ARHGAP39: variants seen among roughly 807,000 people sequenced by gnomAD.
The protein encoded by ARHGAP39 is Rho GTPase activating protein 39.
In ARHGAP39, 44 loss-of-function variants were observed where a neutral mutation model predicts 106.9. The ratio of observed to expected loss-of-function variants is 0.41; its 90% CI spans 0.32 to 0.53. The LOEUF (loss-of-function observed/expected upper bound fraction) is 0.53. Among genes scored for constraint, ARHGAP39 ranks in the 20% least tolerant of loss-of-function variants. The pLI, the probability that ARHGAP39 is intolerant of heterozygous loss-of-function variation, is 0.21. For synonymous variants in ARHGAP39, 768 were observed against 693.2 expected, an observed-to-expected ratio of 1.11 and a Z score of -1.69; for missense variants, 1,496 against 1,577.3, an observed-to-expected ratio of 0.95 and a Z score of 0.87.
chr8:144,532,461 G>A (rs1048658640), intron 9 of ARHGAP39, 65 bp from the exon 10 acceptor site: 9 of 1,434,160 alleles, frequency 6.3e-6, no homozygotes, highest in South Asian at 1.2e-5. Flanking sequence ...ATTCCGCCTG[G>A]ACACTCCCTC....
Position 144,537,740 on chromosome 8 carries a change from A to C in ARHGAP39, c.2595T>G (p.Pro865=), listed in dbSNP as rs1300921738. The change falls in exon 7 of 12, where the codon CCT becomes CCG. Residue 865 remains proline (P), a synonymous_variant. Coordinates refer to ENST00000377307, the MANE Select transcript of ARHGAP39 (RefSeq NM_025251.3). ...KKSKLRKKPK[P]YVEEPDGVAI... ...CCCTACCATCCGGCTCTTCAACATA[A>C]GGCTTGGGTTTCTTTCTCAATTTGG... is the stretch of plus-strand genomic sequence containing the variant. The C allele has an allele frequency of 6.2e-7, 1 of 1,614,046 alleles. No individual in the cohort carries two copies. Among genetic ancestry groups the C allele is most frequent in the South Asian group, 1.1e-5 (1 of 91,080 alleles).
At chr8:144,564,776 T>C (rs1478129710) in intron 3 of ARHGAP39, among the ~76,000 whole-genome samples, 1 of 148,088 alleles carries the variant, frequency 6.8e-6, no homozygotes, top group Non-Finnish European at 1.5e-5. Flanking sequence ...AGGCCAGGAG[T>C]CTGAGACCAG....
intron 2 of ARHGAP39, among the ~76,000 whole-genome samples, chr8:144,588,957 G>A (rs1328084167): frequency 6.6e-6 from 1 of 152,254 alleles, no homozygotes; most frequent in Non-Finnish European, 1.5e-5. Flanking sequence ...CCAGAAGAGG[G>A]TAAGTCCACA....
At position 144,671,176 on chromosome 8, in the gene ARHGAP39, G is replaced by A. The variant is rs904565639; in HGVS notation, c.-82+14510C>T. Reference sequence around the variant, plus strand: ...GGCCTATGTTGGGTGTCTCACCCATGCCAGGCTCTGCGGGTCACTGACAAG... The same window carrying A: ...GGCCTATGTTGGGTGTCTCACCCATACCAGGCTCTGCGGGTCACTGACAAG... On this transcript the variant is annotated intron_variant, in intron 1 of 11. Coordinates refer to ENST00000377307, the MANE Select transcript of ARHGAP39 (RefSeq NM_025251.3). The surrounding 1 kb of genome is among the most constrained non-coding windows in gnomAD (Gnocchi z 4.5). 3.3e-5 allele frequency among the ~76,000 whole-genome samples: 5 copies of A among 152,198 alleles called. No individual in the cohort carries two copies. Among genetic ancestry groups the A allele is most frequent in the African/African-American group, 1.2e-4 (5 of 41,438 alleles).
chr8:144,602,941 A>G (rs1360899149), intron 2 of ARHGAP39, among the ~76,000 whole-genome samples: 2 of 92,766 alleles, frequency 2.2e-5, no homozygotes, highest in African/African-American at 4.7e-5. Flanking sequence ...GTGCTCGTGT[A>G]CCTGTGTGTG....
At chr8:144,561,691 A>G (rs955193135) in intron 3 of ARHGAP39, among the ~76,000 whole-genome samples, 1 of 150,324 alleles carries the variant, frequency 6.7e-6, no homozygotes, top group Non-Finnish European at 1.5e-5. Flanking sequence ...ATCGCGCTCC[A>G]GTGGTTTCCA....
At position 144,580,911 on chromosome 8, in the gene ARHGAP39, C is replaced by T. The variant is rs781463333; in HGVS notation, c.447G>A (p.Ala149=). The change falls in exon 3 of 12, where the codon GCG becomes GCA. Residue 149 remains alanine (A), a synonymous_variant. Transcript: ENST00000377307. ...SLEPEPDTEK[A]QELPARAGRP... is the part of the protein sequence containing the mutation. ...GCCCGGCCCTCGCTGGCAACTCCTG[C>T]GCTTTCTCAGTGTCGGGCTCGGGCT... The T allele has an allele frequency of 3.6e-5, 57 of 1,604,306 alleles. No homozygotes were observed. In the South Asian group the frequency reaches 6.1e-4, roughly 17 times the overall value.
intron 1 of ARHGAP39, among the ~76,000 whole-genome samples, chr8:144,685,255 TCA>T (rs1344290350): frequency 7.7e-6 from 1 of 129,178 alleles, no homozygotes; most frequent in East Asian, 2.3e-4. Context: ...AGGGGCACAC[TCA>T]CACTCACTCT....
intron 1 of ARHGAP39, among the ~76,000 whole-genome samples, chr8:144,678,910 C>T (rs1269222300): frequency 2.6e-5 from 4 of 152,066 alleles, no homozygotes; most frequent in Non-Finnish European, 5.9e-5. Context: ...GGAGGTACAG[C>T]GTAGTGCAGG....
chr8:144,553,356 C>T (rs1320984200), intron 4 of ARHGAP39, among the ~76,000 whole-genome samples: 4 of 152,310 alleles, frequency 2.6e-5, no homozygotes, highest in African/African-American at 9.6e-5. Flanking sequence ...TGCCTGCTCT[C>T]AACCAGTCTA....
intron 1 of ARHGAP39, among the ~76,000 whole-genome samples, chr8:144,673,225 A>AAAAAAAAC (rs1822145476): frequency 6.6e-6 from 1 of 151,886 alleles, no homozygotes; most frequent in African/African-American, 2.4e-5. Flanking sequence ...TCAAAAAAAA[A>AAAAAAAAC]AAGAGGAAGA....
In ARHGAP39 at chr8:144,679,890, G is replaced by C. The variant is rs901754856; in HGVS notation, c.-82+5796C>G. Among the ~76,000 whole-genome samples the C allele has an allele frequency of 6.6e-6, 1 of 152,202 alleles. No homozygotes were observed. The highest frequency in any genetic ancestry group is 2.4e-5 in the African/African-American group (1 of 41,452). ...AGTTACTTGGGAGGCTGAGGCAGGAGAATGGCGTGAACCCAGGATGCGGAG... is the reference window on the plus strand; with the variant it reads ...AGTTACTTGGGAGGCTGAGGCAGGACAATGGCGTGAACCCAGGATGCGGAG... On this transcript the variant is annotated intron_variant, in intron 1 of 11. Transcript: ENST00000377307. This position sits in a 1 kb window ranked among gnomAD's most constrained non-coding sequence, Gnocchi z 4.7.
At chr8:144,607,536 C>T (rs1048612300) in intron 1 of ARHGAP39, among the ~76,000 whole-genome samples, 5 of 152,238 alleles carry the variant, frequency 3.3e-5, no homozygotes, top group African/African-American at 4.8e-5. Context: ...TTCTTGCTCC[C>T]GGATGCCCCA....
chr8:144,530,363 TGCGGAGTTCG>T lies in ARHGAP39; in HGVS notation c.*49_*58del. On this transcript the variant is annotated 3_prime_UTR_variant, in exon 12 of 12. Transcript: ENST00000377307. ...CTGGCCCCTCTGCCGGGAGAGCGAG[TGCGGAGTTCG>T]GCCTGGCTGGGGGCGGCAGGACATC... 1 of 1,505,230 alleles carries T rather than the reference TGCGGAGTTCG, an allele frequency of 6.6e-7. No individual in the cohort carries two copies. The highest frequency in any genetic ancestry group is 2.0e-5 in the Admixed American group (1 of 50,598). 93.2% of individuals were successfully genotyped at this position (1,505,230 alleles called of 1,614,324 possible). A position where few individuals can be genotyped will look rare whatever the true frequency, so the allele number is the denominator to read the frequency against.
chr8:144,662,584 C>T (rs985330451), intron 1 of ARHGAP39, among the ~76,000 whole-genome samples: 1 of 151,268 alleles, frequency 6.6e-6, no homozygotes, highest in African/African-American at 2.4e-5. Context: ...CACTTATCCA[C>T]CTTGGACCAC....
At chr8:144,562,672 G>A (rs942108719) in intron 3 of ARHGAP39, among the ~76,000 whole-genome samples, 1 of 143,072 alleles carries the variant, frequency 7.0e-6, no homozygotes. Context: ...GGTTTCCATC[G>A]GACTCACTCC....
At chr8:144,603,151 G>C (rs865775879) in intron 2 of ARHGAP39, among the ~76,000 whole-genome samples, 8 of 145,914 alleles carry the variant, frequency 5.5e-5, no homozygotes, top group Non-Finnish European at 7.5e-5. Context: ...GTGTGCATGT[G>C]CGTGGAGGTG....
At chr8:144,530,667 G>T in intron 11 of ARHGAP39, 35 bp downstream of exon 11, 1 of 1,535,352 alleles carries the variant, frequency 6.5e-7, no homozygotes, top group Non-Finnish European at 8.8e-7. Context: ...GGGCGGGGAG[G>T]GGAAAGCAGC....
intron 1 of ARHGAP39, among the ~76,000 whole-genome samples, chr8:144,674,705 G>T (rs565412118): frequency 1.3e-5 from 2 of 152,276 alleles, no homozygotes; most frequent in South Asian, 4.1e-4. Context: ...TTGTGCTGAG[G>T]GGCTCCTGCA....
Sources: allele counts gnomAD v4.1 joint callset (sites outside exome capture counted in the v4.1 genomes callset), GRCh38; gene constraint gnomAD v4.1.1; non-coding constraint Gnocchi (gnomAD v3.1); transcripts MANE v1.5; gene names NCBI Gene and HGNC (gene_info 2026-07-23, HGNC 2026-07-21).